TMEM164: variants seen among roughly 807,000 people sequenced by gnomAD.
TMEM164 encodes transmembrane protein 164.
A neutral mutation model predicts 18.8 loss-of-function variants in TMEM164; 4 were observed. That is an observed-to-expected ratio of 0.21 (90% CI 0.10 to 0.49). TMEM164 has a LOEUF of 0.49. Ranked by LOEUF, TMEM164 falls within the 20% of genes least tolerant of loss-of-function variation. TMEM164 has a pLI of 0.98. For missense variants in TMEM164, 108 were observed against 239.9 expected (o/e 0.45, Z 3.63); for synonymous variants, 86 against 101.7 (o/e 0.85, Z 0.93).
At chrX:110,016,269 G>T (rs1344803802) in intron 2 of TMEM164, among the ~76,000 whole-genome samples, 2 of 112,509 alleles carry the variant, frequency 1.8e-5, no homozygotes, top group Non-Finnish European at 1.9e-5. Flanking sequence ...CAGTCAGTTT[G>T]CAGTGAATGG....
intron 2 of TMEM164, 94 bp downstream of exon 2, chrX:110,004,258 G>T: frequency 9.8e-7 from 1 of 1,024,652 alleles, no homozygotes; most frequent in African/African-American, 1.9e-5. Context: ...CATCCCGGCG[G>T]GCAGGGGGAC....
chrX:110,028,152 T>C (rs775417358), intron 2 of TMEM164, among the ~76,000 whole-genome samples: 8 of 112,639 alleles, frequency 7.1e-5, no homozygotes, highest in African/African-American at 2.6e-4. Flanking sequence ...AATTTTCAAA[T>C]TTATTGGTTT....
intron 3 of TMEM164, among the ~76,000 whole-genome samples, chrX:110,079,169 G>C (rs192388441): frequency 2.5e-4 from 28 of 111,608 alleles, no homozygotes; most frequent in African/African-American, 8.8e-4. Context: ...ATGATTTCCC[G>C]TCGAAACTCT....
At chrX:110,172,596 G>C (rs1165824560) in intron 6 of TMEM164, among the ~76,000 whole-genome samples, 1 of 111,370 alleles carries the variant, frequency 9.0e-6, no homozygotes, top group Non-Finnish European at 1.9e-5. Context: ...CTCTCCACTG[G>C]GACCCAGATT....
chrX:110,178,574 T>C (rs758597261), downstream of TMEM164, among the ~76,000 whole-genome samples: 1 of 112,388 alleles, frequency 8.9e-6, no homozygotes, highest in East Asian at 2.8e-4. Flanking sequence ...TGGCAGCCAG[T>C]GCAGGTGGAT....
chrX:110,102,672 CTTATT>C (rs1213196929), intron 3 of TMEM164, among the ~76,000 whole-genome samples: 1 of 111,833 alleles, frequency 8.9e-6, no homozygotes, highest in Non-Finnish European at 1.9e-5. Flanking sequence ...TTTACATGGT[CTTATT>C]TTATTAAATT....
intron 4 of TMEM164, among the ~76,000 whole-genome samples, chrX:110,115,260 A>G (rs1384260390): frequency 3.6e-5 from 4 of 112,445 alleles, no homozygotes; most frequent in Admixed American, 9.5e-5. Context: ...TGACTGGCAA[A>G]TTGGGCTATT....
intron 5 of TMEM164, among the ~76,000 whole-genome samples, chrX:110,155,681 C>T (rs2067006814): frequency 9.0e-6 from 1 of 111,301 alleles, no homozygotes; most frequent in African/African-American, 3.3e-5. Flanking sequence ...ATTTCCCCTA[C>T]CTCCTACCCA....
intron 2 of TMEM164, among the ~76,000 whole-genome samples, chrX:110,017,543 C>T (rs112188815): frequency 1.5e-5 from 1 of 65,925 alleles, no homozygotes; most frequent in East Asian, 5.5e-4. Context: ...TCCTTCCTTC[C>T]TTCCTTCCTT....
chrX:110,028,291 T>C (rs1177512587), intron 2 of TMEM164, among the ~76,000 whole-genome samples: 1 of 112,429 alleles, frequency 8.9e-6, no homozygotes, highest in Non-Finnish European at 1.9e-5. Context: ...ATTTATCTTT[T>C]ATAGGAAATA....
intron 5 of TMEM164, among the ~76,000 whole-genome samples, chrX:110,162,984 C>T (rs779476212): frequency 8.9e-6 from 1 of 112,628 alleles, no homozygotes; most frequent in East Asian, 2.8e-4. Flanking sequence ...TTCCACTACT[C>T]CAACTTTAGT....
intron 2 of TMEM164, among the ~76,000 whole-genome samples, chrX:110,021,957 C>T (rs770860423): frequency 9.0e-6 from 1 of 111,387 alleles, no homozygotes; most frequent in Non-Finnish European, 1.9e-5. Context: ...AGATGGAGAA[C>T]AGTGGAGGTC....
chrX:110,093,324 T>C (rs2065961849), intron 3 of TMEM164, among the ~76,000 whole-genome samples: 1 of 111,959 alleles, frequency 8.9e-6, no homozygotes, highest in Non-Finnish European at 1.9e-5. Flanking sequence ...GGCCCTGGAC[T>C]TTTTTTGTTT....
chrX:110,045,027 A>G (rs1935260575), intron 2 of TMEM164, among the ~76,000 whole-genome samples: 1 of 111,762 alleles, frequency 8.9e-6, no homozygotes, highest in Non-Finnish European at 1.9e-5. Flanking sequence ...TAAGCTCTCA[A>G]TTGCCATCTG....
rs1307149121 is a variant in TMEM164 at position 110,017,446 on chromosome X, C to CTTTCTTTCTTTCTT, written c.390+13283_390+13284insTTCTTTCTTTCTTT. On this transcript the variant is annotated intron_variant, in intron 2 of 6. Coordinates refer to ENST00000372068, the MANE Select transcript of TMEM164 (RefSeq NM_032227.4). ...TCTTTCTTTCTTTCTTTCTTTCTTT[C>CTTTCTTTCTTTCTT]TCTCTCTCTCTCTCTCTTTCTTTCC... is the stretch of plus-strand genomic sequence containing the variant. 1.7e-3 allele frequency among the ~76,000 whole-genome samples: 136 copies of CTTTCTTTCTTTCTT among 79,128 alleles called. 2 individuals carry two copies. Among genetic ancestry groups the CTTTCTTTCTTTCTT allele is most frequent in the African/African-American group, 5.7e-3 (114 of 19,910 alleles). The allele number at this position is 79,128 out of a possible 115,157, so 68.7% of individuals were successfully genotyped here. A position where few individuals can be genotyped will look rare whatever the true frequency, so the allele number is the denominator to read the frequency against.
intron 2 of TMEM164, chrX:110,020,793 G>A (rs1052423958): frequency 1.9e-6 from 1 of 513,563 alleles, no homozygotes; most frequent in Admixed American, 9.0e-5. Context: ...AGTGTTGGTG[G>A]ATACAGAACA....
At chrX:110,007,671 A>T (rs767194093) in intron 2 of TMEM164, among the ~76,000 whole-genome samples, 46 of 112,410 alleles carry the variant, frequency 4.1e-4, no homozygotes, top group Admixed American at 1.1e-3. Flanking sequence ...AGTCTTAAAA[A>T]TCTACAGTTT....
At chrX:110,069,570 C>CTTTTTTTTTTTTTTTTTTTTTTT (rs72102436) in intron 3 of TMEM164, among the ~76,000 whole-genome samples, 1 of 91,465 alleles carries the variant, frequency 1.1e-5, no homozygotes, top group Non-Finnish European at 2.2e-5. Context: ...TTTATATTGA[C>CTTTTTTTTTTTTTTTTTTTTTTT]TTTTTTTTTT....
intron 2 of TMEM164, among the ~76,000 whole-genome samples, chrX:110,037,834 G>C (rs1934884662): frequency 9.0e-6 from 1 of 111,711 alleles, no homozygotes; most frequent in Admixed American, 9.5e-5. Context: ...TTTCAATTAA[G>C]TTGAATTAAT....
Sources: allele counts gnomAD v4.1 joint callset (sites outside exome capture counted in the v4.1 genomes callset), GRCh38; gene constraint gnomAD v4.1.1; transcripts MANE v1.5; gene names NCBI Gene and HGNC (gene_info 2026-07-23, HGNC 2026-07-21).